Variants in FSTL4 observed in about 807,000 individuals in gnomAD.
FSTL4 encodes follistatin like 4.
A neutral mutation model predicts 78.2 loss-of-function variants in FSTL4; 28 were observed. That is an observed-to-expected ratio of 0.36 (90% CI 0.27 to 0.49). The LOEUF (loss-of-function observed/expected upper bound fraction) is 0.49, where lower values mean the gene tolerates loss of function less well. FSTL4 is among the 20% of genes least tolerant of loss of function. The pLI is 0.98. For missense variants in FSTL4, 922 were observed against 1,084.9 expected (o/e 0.85, Z 2.11); for synonymous variants, 422 against 440.5 (o/e 0.96, Z 0.53).
At chr5:133,764,086 G>A in the FSTL4 span, among the ~76,000 whole-genome samples, 2 of 152,234 alleles carry the variant, frequency 1.3e-5, no homozygotes, top group African/African-American at 4.8e-5. Context: ...CTTCAGAAAA[G>A]CCAATTTGTC....
intron 12 of FSTL4, 141 bp downstream of exon 12, chr5:133,220,607 C>A: frequency 1.5e-6 from 1 of 672,198 alleles, no homozygotes. Flanking sequence ...CTATTCCTCT[C>A]TTAGCCTGGG....
At chr5:133,607,583 C>T (rs1054320604) in intron 1 of FSTL4, among the ~76,000 whole-genome samples, 1 of 152,216 alleles carries the variant, frequency 6.6e-6, no homozygotes. Flanking sequence ...CACGTAGACC[C>T]ACGACATCTA....
the FSTL4 span, among the ~76,000 whole-genome samples, chr5:133,637,510 G>C: frequency 2.8e-4 from 43 of 152,082 alleles, no homozygotes; most frequent in Non-Finnish European, 4.7e-4. Context: ...CCAGTAATGA[G>C]TAGAACTAGA....
the FSTL4 span, among the ~76,000 whole-genome samples, chr5:133,663,086 T>C: frequency 0.19 from 29,161 of 151,988 alleles, 2,914 homozygotes; most frequent in Middle Eastern, 0.4. Flanking sequence ...GGGATTAGAG[T>C]TGGGAAAAGA....
intron 6 of FSTL4, among the ~76,000 whole-genome samples, chr5:133,297,506 G>A (rs1469837752): frequency 2.0e-5 from 3 of 152,134 alleles, no homozygotes; most frequent in East Asian, 3.8e-4. Context: ...CTGTGTCTCC[G>A]GCTCTTCACC....
At chr5:133,644,013 ATAAAAT>A in the FSTL4 span, among the ~76,000 whole-genome samples, 65 of 152,340 alleles carry the variant, frequency 4.3e-4, no homozygotes, top group African/African-American at 1.4e-3. Flanking sequence ...CTTCTAGTAA[ATAAAAT>A]TAAAAGATTT....
chr5:133,785,099 C>T, the FSTL4 span, among the ~76,000 whole-genome samples: 1 of 152,206 alleles, frequency 6.6e-6, no homozygotes. Flanking sequence ...AGGGCACACC[C>T]AACACCTGCT....
chr5:133,336,926 C>T (rs562825933), intron 4 of FSTL4, among the ~76,000 whole-genome samples: 5 of 152,334 alleles, frequency 3.3e-5, no homozygotes, highest in African/African-American at 7.2e-5. Flanking sequence ...CTTCCCAGGC[C>T]TCTCCAGATC....
At chr5:133,786,112 G>C in the FSTL4 span, among the ~76,000 whole-genome samples, 1 of 152,156 alleles carries the variant, frequency 6.6e-6, no homozygotes. Context: ...TACTCCCAGA[G>C]CCTCCGTGAT....
At chr5:133,215,556 C>A (rs923354064) in intron 13 of FSTL4, among the ~76,000 whole-genome samples, 1 of 152,128 alleles carries the variant, frequency 6.6e-6, no homozygotes, top group Non-Finnish European at 1.5e-5. Flanking sequence ...AAATCACCCC[C>A]CAATCTGCTC....
chr5:133,470,091 GCTCATCCTAAAGTGGAA>G (rs1757790761), intron 3 of FSTL4, among the ~76,000 whole-genome samples: 1 of 152,158 alleles, frequency 6.6e-6, no homozygotes, highest in African/African-American at 2.4e-5. Flanking sequence ...CTCCCAGCCT[GCTCATCCTAAAGTGGAA>G]ACTGCCAGCT....
intron 4 of FSTL4, among the ~76,000 whole-genome samples, chr5:133,317,414 G>C (rs1047051425): frequency 6.6e-6 from 1 of 152,178 alleles, no homozygotes; most frequent in Non-Finnish European, 1.5e-5. Context: ...GAGTGTCAGC[G>C]GAGAGGGCAG....
At chr5:133,783,293 C>T in the FSTL4 span, among the ~76,000 whole-genome samples, 4 of 152,182 alleles carry the variant, frequency 2.6e-5, no homozygotes, top group Non-Finnish European at 4.4e-5. Context: ...CAAACACGAT[C>T]CTGCTCTTCA....
At chr5:133,226,626 C>A (rs530027131) in intron 8 of FSTL4, among the ~76,000 whole-genome samples, 13 of 152,344 alleles carry the variant, frequency 8.5e-5, no homozygotes, top group African/African-American at 3.1e-4. Context: ...ATAACTTTTA[C>A]TTTACACACT....
intron 4 of FSTL4, among the ~76,000 whole-genome samples, chr5:133,329,762 A>T (rs930133840): frequency 6.6e-6 from 1 of 152,226 alleles, no homozygotes; most frequent in Non-Finnish European, 1.5e-5. Flanking sequence ...GCCAGGCTTA[A>T]TACTTTGTAT....
At position 133,291,457 on chromosome 5, in the gene FSTL4, C is replaced by T. The variant is rs576720703; in HGVS notation, c.727+21197G>A. On this transcript the variant is annotated intron_variant, in intron 6 of 15. Coordinates refer to ENST00000265342, the MANE Select transcript of FSTL4 (RefSeq NM_015082.2). ...TTACATTTTATCTACAGCTGCCTCA[C>T]GTTGCAATGTCAGAGTTCAGTGGCT... Among the ~76,000 whole-genome samples, 90 of 152,322 alleles carry T rather than the reference C, an allele frequency of 5.9e-4. No homozygotes were observed. In the South Asian group the frequency reaches 0.015, roughly 26 times the overall value.
At chr5:133,795,842 G>A in the FSTL4 span, among the ~76,000 whole-genome samples, 10 of 152,216 alleles carry the variant, frequency 6.6e-5, no homozygotes. Context: ...CAATGAGTAA[G>A]GGAAGCACCA....
At chr5:133,237,143 C>T (rs1054079993) in intron 7 of FSTL4, among the ~76,000 whole-genome samples, 7 of 152,156 alleles carry the variant, frequency 4.6e-5, no homozygotes, top group East Asian at 1.9e-4. Flanking sequence ...AGGCAGCTGG[C>T]GGGAGGAGCA....
intron 3 of FSTL4, among the ~76,000 whole-genome samples, chr5:133,473,527 T>C (rs531420386): frequency 3.3e-5 from 5 of 152,188 alleles, no homozygotes; most frequent in Admixed American, 6.5e-5. Context: ...GCTTAGGGGG[T>C]CAAGAGGTTA....
Sources: gnomAD v4.1 joint callset for allele counts (sites outside exome capture counted in the v4.1 genomes callset) on GRCh38, gnomAD v4.1.1 for gene constraint, MANE v1.5 for transcripts, NCBI Gene and HGNC (gene_info 2026-07-23, HGNC 2026-07-21) for gene names.